DLC1: variants seen among roughly 807,000 people sequenced by gnomAD.
DLC1 encodes the protein rho GTPase-activating protein 7.
Under a neutral mutation model 140.3 loss-of-function variants are expected in DLC1, and 54 were observed. The observed-to-expected ratio is 0.38, with a 90% confidence interval of 0.31 to 0.48. The LOEUF is 0.48. Ranked by LOEUF, DLC1 falls within the 20% of genes least tolerant of loss-of-function variation. The pLI is 0.96. For synonymous variants in DLC1, 986 were observed against 728.1 expected (o/e 1.35, Z -5.70); for missense variants, 2,536 against 1,907.0 (o/e 1.33, Z -6.14).
At chr8:13,311,473 T>C (rs1188912953) in intron 4 of DLC1, among the ~76,000 whole-genome samples, 4 of 152,208 alleles carry the variant, frequency 2.6e-5, no homozygotes, top group Non-Finnish European at 5.9e-5. Context: ...GGAACAAATA[T>C]CTATAACTAA....
rs1433761107 is a variant in DLC1, at chr8:13,393,651, C to T, written c.1216G>A (p.Val406Ile). 1.2e-6 allele frequency: 2 copies of T among 1,613,968 alleles called. No individual in the cohort carries two copies. The highest frequency in any genetic ancestry group is 1.7e-5 in the Admixed American group (1 of 59,964). ...GSESGADTIS[V>I]NQTRVNLSSD... ...GACAAATTTACTCGTGTCTGATTTA[C>T]TGAAATGGTATCTGCTCCACTTTCA... Residue 406 changes from valine (V) to isoleucine (I), a missense_variant, in exon 4 of 18, where the codon GTA (valine) becomes ATA (isoleucine). Val to Ile is a conservative substitution (Grantham distance 29). Coordinates refer to ENST00000276297, the MANE Select transcript of DLC1 (RefSeq NM_182643.3).
rs950223684 is a variant in DLC1 at position 13,418,218 on chromosome 8, A to C, written c.1024-16599T>G. On this transcript the variant is annotated intron_variant, in intron 2 of 17. Coordinates refer to ENST00000276297, the MANE Select transcript of DLC1 (RefSeq NM_182643.3). ...TGCTGTGCAGAAGCTCTTTAGTTTAATTAGATCCCATTTGTCAATTTTGTC... is the reference window on the plus strand; with the variant it reads ...TGCTGTGCAGAAGCTCTTTAGTTTACTTAGATCCCATTTGTCAATTTTGTC... Among the ~76,000 whole-genome samples the C allele has an allele frequency of 5.3e-5, 8 of 152,128 alleles. No homozygotes were observed. In the South Asian group the frequency reaches 1.0e-3, roughly 20 times the overall value.
chr8:13,180,578 C>T (rs550942150), intron 5 of DLC1, among the ~76,000 whole-genome samples: 2 of 152,050 alleles, frequency 1.3e-5, no homozygotes, highest in South Asian at 2.1e-4. Flanking sequence ...TAACTTTCAC[C>T]GAGAAGCATC....
chr8:13,224,285 C>T (rs1314647808), intron 5 of DLC1, among the ~76,000 whole-genome samples: 1 of 152,154 alleles, frequency 6.6e-6, no homozygotes, highest in Non-Finnish European at 1.5e-5. Flanking sequence ...TTGTTTGAGA[C>T]ATGTAAGCTA....
intron 1 of DLC1, among the ~76,000 whole-genome samples, chr8:13,570,578 G>C (rs561804796): frequency 6.7e-6 from 1 of 148,624 alleles, no homozygotes; most frequent in South Asian, 2.2e-4. Flanking sequence ...AGTTTACTGA[G>C]AATGATGGTT....
At chr8:13,176,946 C>T (rs1825789792) in intron 5 of DLC1, among the ~76,000 whole-genome samples, 2 of 152,030 alleles carry the variant, frequency 1.3e-5, no homozygotes, top group Non-Finnish European at 2.9e-5. Flanking sequence ...TGGGCGGCTT[C>T]CAGGAGCTGG....
At chr8:13,489,788 A>G (rs150522673) in intron 2 of DLC1, among the ~76,000 whole-genome samples, 1 of 152,320 alleles carries the variant, frequency 6.6e-6, no homozygotes, top group African/African-American at 2.4e-5. Flanking sequence ...GAAGCTACTT[A>G]TGCTGGCTGC....
intron 2 of DLC1, among the ~76,000 whole-genome samples, chr8:13,483,307 C>G (rs374806247): frequency 3.3e-5 from 5 of 152,236 alleles, no homozygotes; most frequent in African/African-American, 4.8e-5. Context: ...TTTTTCCAAA[C>G]AAGATCATAT....
At position 13,399,969 on chromosome 8, in the gene DLC1, C is replaced by T. The variant is rs201993930; in HGVS notation, c.1173+1501G>A. 7.9e-5 allele frequency among the ~76,000 whole-genome samples: 12 copies of T among 152,168 alleles called. No individual in the cohort carries two copies. In the East Asian group the frequency reaches 1.7e-3, roughly 22 times the overall value. The stretch of plus-strand genomic sequence containing the variant: ...TTTGTCCTCTGTATCTGGGTCAGTG[C>T]TCCTTGGTAGATGGTCCAGGTCCTA... On this transcript the variant is annotated intron_variant, in intron 3 of 17. Coordinates refer to ENST00000276297, the MANE Select transcript of DLC1 (RefSeq NM_182643.3).
intron 5 of DLC1, among the ~76,000 whole-genome samples, chr8:13,145,451 ACTT>A (rs1301301500): frequency 2.0e-4 from 31 of 152,336 alleles, no homozygotes; most frequent in African/African-American, 7.5e-4. Flanking sequence ...TGTTACTACA[ACTT>A]CTTAAGAAAA....
chr8:13,555,492 T>A (rs543846401), intron 1 of DLC1, among the ~76,000 whole-genome samples: 3 of 152,274 alleles, frequency 2.0e-5, no homozygotes, highest in East Asian at 1.9e-4. Context: ...TTAATTTTTT[T>A]AAATTTTTTA....
At chr8:13,560,694 G>A (rs181566200) in intron 1 of DLC1, among the ~76,000 whole-genome samples, 19 of 152,246 alleles carry the variant, frequency 1.2e-4, no homozygotes, top group Admixed American at 9.2e-4. Context: ...TGGAGATGGA[G>A]TCTTTAAAGA....
intron 5 of DLC1, among the ~76,000 whole-genome samples, chr8:13,208,005 C>A (rs150987150): frequency 1.3e-5 from 2 of 151,986 alleles, no homozygotes; most frequent in Non-Finnish European, 2.9e-5. Flanking sequence ...GTTCAAAGTG[C>A]AAAATGTCTA....
chr8:13,489,134 A>G (rs1459295966), intron 2 of DLC1, among the ~76,000 whole-genome samples: 1 of 151,850 alleles, frequency 6.6e-6, no homozygotes, highest in Non-Finnish European at 1.5e-5. Context: ...TTTAATAGAG[A>G]CAGGGTTTCA....
At chr8:13,577,967 AAT>A (rs1348347650) in intron 1 of DLC1, among the ~76,000 whole-genome samples, 1 of 152,050 alleles carries the variant, frequency 6.6e-6, no homozygotes, top group Non-Finnish European at 1.5e-5. Context: ...TGGAAGCATG[AAT>A]GTTTATTCCT....
At chr8:13,491,192 C>A (rs1017374531) in intron 2 of DLC1, among the ~76,000 whole-genome samples, 2 of 151,166 alleles carry the variant, frequency 1.3e-5, no homozygotes, top group African/African-American at 4.8e-5. Context: ...ATGTCATTTT[C>A]ACAATGAAAA....
intron 2 of DLC1, among the ~76,000 whole-genome samples, chr8:13,484,233 T>A (rs1282672925): frequency 2.0e-5 from 3 of 152,180 alleles, no homozygotes; most frequent in Non-Finnish European, 4.4e-5. Flanking sequence ...AGGAAATGGA[T>A]ATGAGAGATC....
Position 13,088,686 on chromosome 8 carries a change from G to C in DLC1, c.4093C>G (p.Leu1365Val). 3 of 1,614,150 alleles carry C rather than the reference G, an allele frequency of 1.9e-6. No individual in the cohort carries two copies. In the South Asian group the frequency reaches 3.3e-5, roughly 18 times the overall value. The change falls in exon 16 of 18, where the codon CTG becomes GTG. Residue 1365 changes from leucine (L) to valine (V), a missense_variant. Leu to Val is a conservative substitution (Grantham distance 32, BLOSUM62 1). Coordinates refer to ENST00000276297, the MANE Select transcript of DLC1 (RefSeq NM_182643.3). ...SYKKVSEGPP[L>V]RLWRSVIEVP... ...TCAATGACTGACCTCCAAAGCCTCAGAGGGGGTCCTTCGCTCACCTGGAAA... is the reference window on the plus strand; with the variant it reads ...TCAATGACTGACCTCCAAAGCCTCACAGGGGGTCCTTCGCTCACCTGGAAA...
chr8:13,600,064 G>T (rs1406434522), intron 1 of DLC1, among the ~76,000 whole-genome samples: 1 of 151,826 alleles, frequency 6.6e-6, no homozygotes, highest in African/African-American at 2.4e-5. Flanking sequence ...GGTATCTGAA[G>T]AACCCTAAAC....
Sources: gnomAD v4.1 joint callset for allele counts (sites outside exome capture counted in the v4.1 genomes callset) on GRCh38, gnomAD v4.1.1 for gene constraint, MANE v1.5 for transcripts, NCBI Gene and HGNC (gene_info 2026-07-23, HGNC 2026-07-21) for gene names.